CFAP210: variants seen among roughly 807,000 people sequenced by gnomAD.
CFAP210 encodes cilia and flagella associated protein 210.
At chr2:169,685,832 T>A in the CFAP210 span, among the ~76,000 whole-genome samples, 1 of 152,166 alleles carries the variant, frequency 6.6e-6, no homozygotes, top group African/African-American at 2.4e-5. Context: ...TTATTTTGCA[T>A]ATGGATATCC....
the CFAP210 span, among the ~76,000 whole-genome samples, chr2:169,651,742 A>AG: frequency 6.6e-6 from 1 of 152,194 alleles, no homozygotes; most frequent in Non-Finnish European, 1.5e-5. Context: ...TTTAAATAAA[A>AG]TCAAGGAAAT....
the CFAP210 span, among the ~76,000 whole-genome samples, chr2:169,668,035 A>T: frequency 3.9e-5 from 6 of 152,142 alleles, no homozygotes; most frequent in African/African-American, 9.7e-5. Flanking sequence ...TTTTCTTCCA[A>T]TGTAAGACTG....
At chr2:169,653,023 AAAAAAAATATATATATATATATATAT>A in the CFAP210 span, among the ~76,000 whole-genome samples, 1 of 55,930 alleles carries the variant, frequency 1.8e-5, no homozygotes, top group African/African-American at 7.5e-5. Flanking sequence ...AAAAAAAAAA[AAAAAAAATATATATATATATATATAT>A]ATATATATAT....
chr2:169,665,132 A>G, the CFAP210 span, among the ~76,000 whole-genome samples: 1 of 152,178 alleles, frequency 6.6e-6, no homozygotes, highest in Non-Finnish European at 1.5e-5. Flanking sequence ...TTGTGCCAAA[A>G]GAGGAGGAGG....
At chr2:169,651,602 G>C in the CFAP210 span, among the ~76,000 whole-genome samples, 2 of 151,370 alleles carry the variant, frequency 1.3e-5, no homozygotes, top group Admixed American at 6.6e-5. Context: ...TGATCCGCCC[G>C]CCTCAGCCTC....
chr2:169,651,522 G>GT, the CFAP210 span, among the ~76,000 whole-genome samples: 146 of 151,932 alleles, frequency 9.6e-4, no homozygotes, highest in Middle Eastern at 6.8e-3. Context: ...AGCCCAGCTA[G>GT]TTTTTTTATT....
chr2:169,652,064 A>G, the CFAP210 span, among the ~76,000 whole-genome samples: 5 of 152,124 alleles, frequency 3.3e-5, no homozygotes, highest in Admixed American at 6.5e-5. Context: ...ATAAGAATAC[A>G]TCTTGTTAAA....
At chr2:169,662,556 C>A in the CFAP210 span, 3 of 861,062 alleles carry the variant, frequency 3.5e-6, no homozygotes, top group Non-Finnish European at 5.1e-6. Context: ...CTGTGAATTT[C>A]TTTGGGGGAA....
At chr2:169,683,195 C>T in the CFAP210 span, among the ~76,000 whole-genome samples, 171 of 152,278 alleles carry the variant, frequency 1.1e-3, 2 homozygotes, top group East Asian at 0.028. Flanking sequence ...CAAACCTCTG[C>T]ACGCAAAATA....
the CFAP210 span, among the ~76,000 whole-genome samples, chr2:169,679,248 C>T: frequency 6.6e-6 from 1 of 152,148 alleles, no homozygotes; most frequent in Non-Finnish European, 1.5e-5. Context: ...ATTTTAGGTT[C>T]AAAGGCTACA....
the CFAP210 span, among the ~76,000 whole-genome samples, chr2:169,667,218 A>C: frequency 6.7e-6 from 1 of 148,610 alleles, no homozygotes; most frequent in Non-Finnish European, 1.5e-5. Context: ...GGCTCACTGC[A>C]ACCTCTGCCC....
the CFAP210 span, among the ~76,000 whole-genome samples, chr2:169,657,845 TAATACAAAATTCTG>T: frequency 6.6e-6 from 1 of 152,174 alleles, no homozygotes; most frequent in African/African-American, 2.4e-5. Context: ...ATGAAACAAT[TAATACAAAATTCTG>T]AATTCTGAAC....
At chr2:169,652,939 G>A in the CFAP210 span, among the ~76,000 whole-genome samples, 1 of 126,436 alleles carries the variant, frequency 7.9e-6, no homozygotes, top group Non-Finnish European at 1.6e-5. Context: ...GGTGGAGCTT[G>A]CAGTAAGCCG....
the CFAP210 span, among the ~76,000 whole-genome samples, chr2:169,683,840 T>G: frequency 6.6e-6 from 1 of 152,128 alleles, no homozygotes. Context: ...CAGCCACAAA[T>G]GTGGGAATAG....
At chr2:169,665,074 G>A in the CFAP210 span, among the ~76,000 whole-genome samples, 3 of 152,190 alleles carry the variant, frequency 2.0e-5, no homozygotes, top group African/African-American at 7.2e-5. Flanking sequence ...GCAGAGGGAA[G>A]TGGGACTGAG....
chr2:169,680,663 G>A, the CFAP210 span, among the ~76,000 whole-genome samples: 4 of 152,296 alleles, frequency 2.6e-5, no homozygotes, highest in African/African-American at 9.6e-5. Flanking sequence ...TCTGTAATAG[G>A]AAGCAGATCG....
At chr2:169,654,289 C>T in the CFAP210 span, 1 of 1,297,734 alleles carries the variant, frequency 7.7e-7, no homozygotes. Flanking sequence ...CTAACAAGAA[C>T]CTGTCAAATG....
chr2:169,692,444 G>GCACACACACACACACACA, the CFAP210 span, among the ~76,000 whole-genome samples: 6 of 143,668 alleles, frequency 4.2e-5, no homozygotes, highest in African/African-American at 1.6e-4. Context: ...ACAGGCGCAC[G>GCACACACACACACACACA]CACACACACA....
At chr2:169,692,833 C>T in the CFAP210 span, among the ~76,000 whole-genome samples, 1 of 152,260 alleles carries the variant, frequency 6.6e-6, no homozygotes, top group South Asian at 2.1e-4. Flanking sequence ...TCTGTTTTGT[C>T]CCCTCTACCA....
Sources: allele counts gnomAD v4.1 joint callset (sites outside exome capture counted in the v4.1 genomes callset), GRCh38; gene constraint gnomAD v4.1.1; transcripts MANE v1.5; gene names NCBI Gene and HGNC (gene_info 2026-07-23, HGNC 2026-07-21).